The following RB1 variants were observed in gnomAD, a reference collection of about 807,000 sequenced individuals.
RB1 encodes the protein retinoblastoma-associated protein.
In RB1, 18 loss-of-function variants were observed where a neutral mutation model predicts 135.4. That is an observed-to-expected ratio of 0.13 (90% CI 0.09 to 0.20). RB1 has a LOEUF of 0.20. RB1 is among the 10% of genes least tolerant of loss of function. The pLI, the probability that RB1 is intolerant of heterozygous loss-of-function variation, is 1.00. For missense variants in RB1, 868 were observed against 1,110.0 expected, an observed-to-expected ratio of 0.78 and a Z score of 3.10; for synonymous variants, 365 against 373.2, an observed-to-expected ratio of 0.98 and a Z score of 0.25.
chr13:48,374,216 G>C (rs1249954987), intron 12 of RB1, among the ~76,000 whole-genome samples: 7 of 152,014 alleles, frequency 4.6e-5, no homozygotes. Flanking sequence ...TTTAATATCT[G>C]AAGGCATCTG....
intron 2 of RB1, 131 bp from the exon 3 acceptor site, chr13:48,342,468 C>A: frequency 1.6e-6 from 1 of 613,198 alleles, no homozygotes; most frequent in Admixed American, 2.7e-5. Flanking sequence ...GGATGTGTTA[C>A]AAATATACAG....
At position 48,360,180 on chromosome 13, in the gene RB1, G is replaced by T. The variant is rs1939220457; in HGVS notation, c.718+53G>T. 4 of 1,605,856 alleles carry T rather than the reference G, an allele frequency of 2.5e-6. No individual in the cohort carries two copies. The Admixed American group carries it at 5.0e-5, about 20-fold the overall frequency. Reference sequence around the variant, plus strand: ...CTTTCTCATTCAGCAGTTGCTTATTGAATGTCTAGTGGGTACCAAACATGG... The same window carrying T: ...CTTTCTCATTCAGCAGTTGCTTATTTAATGTCTAGTGGGTACCAAACATGG... On this transcript the variant is annotated intron_variant, in intron 7 of 26. Transcript: ENST00000267163.
intron 17 of RB1, among the ~76,000 whole-genome samples, chr13:48,388,858 A>G (rs1312848940): frequency 6.6e-6 from 1 of 152,102 alleles, no homozygotes; most frequent in African/African-American, 2.4e-5. Context: ...AATCAGGAGA[A>G]GTGGTATCAT....
At chr13:48,411,428 G>A in intron 17 of RB1, 1 of 1,612,846 alleles carries the variant, frequency 6.2e-7, no homozygotes, top group South Asian at 1.1e-5. Flanking sequence ...TACTTTTTAA[G>A]GTCTGTAGGT....
At chr13:48,328,074 A>G (rs1952303168) in intron 2 of RB1, 4 of 832,632 alleles carry the variant, frequency 4.8e-6, no homozygotes, top group Non-Finnish European at 8.3e-6. Flanking sequence ...ATTTCAAAAC[A>G]TCATTTAATT....
At chr13:48,362,632 A>G (rs2138111580) in intron 7 of RB1, among the ~76,000 whole-genome samples, 183 bp from the exon 8 acceptor site, 1 of 152,318 alleles carries the variant, frequency 6.6e-6, no homozygotes, top group African/African-American at 2.4e-5. Flanking sequence ...GATGGCAAAA[A>G]CTAATATTAG....
chr13:48,413,414 T>C (rs1191150731), intron 17 of RB1, among the ~76,000 whole-genome samples: 1 of 152,216 alleles, frequency 6.6e-6, no homozygotes, highest in East Asian at 1.9e-4. Context: ...CCTGTTCTCT[T>C]ATTCGATTGT....
chr13:48,406,004 A>AT (rs1247440137), intron 17 of RB1, among the ~76,000 whole-genome samples: 1 of 152,048 alleles, frequency 6.6e-6, no homozygotes, highest in Non-Finnish European at 1.5e-5. Context: ...TATTTTGTAT[A>AT]TATACTACAG....
At chr13:48,475,048 A>T (rs576355094) in intron 24 of RB1, among the ~76,000 whole-genome samples, 1 of 151,960 alleles carries the variant, frequency 6.6e-6, no homozygotes, top group African/African-American at 2.4e-5. Flanking sequence ...TAATTTTTAA[A>T]TTTTTTGTAG....
At chr13:48,461,474 T>C (rs1017547957) in intron 20 of RB1, among the ~76,000 whole-genome samples, 5 of 152,190 alleles carry the variant, frequency 3.3e-5, no homozygotes, top group African/African-American at 1.2e-4. Context: ...ACCGTGAACA[T>C]TCATGAACAT....
At chr13:48,327,404 T>C (rs889440236) in intron 2 of RB1, among the ~76,000 whole-genome samples, 20 of 152,156 alleles carry the variant, frequency 1.3e-4, no homozygotes, top group African/African-American at 4.6e-4. Context: ...CAAATGGTTT[T>C]TCTTTGAAGA....
chr13:48,463,962 C>A, intron 21 of RB1, 127 bp downstream of exon 21: 1 of 595,750 alleles, frequency 1.7e-6, no homozygotes, highest in South Asian at 2.4e-5. Flanking sequence ...TATGTAAATT[C>A]ACAAATAAAA....
intron 24 of RB1, 129 bp downstream of exon 24, chr13:48,473,519 T>C (rs1006582032): frequency 1.4e-6 from 1 of 733,668 alleles, no homozygotes; most frequent in African/African-American, 1.8e-5. Context: ...GCATAGAATT[T>C]TATGAGATAT....
chr13:48,379,024 C>G (rs1421454276), intron 13 of RB1, among the ~76,000 whole-genome samples: 1 of 152,090 alleles, frequency 6.6e-6, no homozygotes, highest in Non-Finnish European at 1.5e-5. Flanking sequence ...CTCATAAGGT[C>G]AGTTTGATCT....
rs966492752 is a variant in RB1, at chr13:48,340,590, A to AG, written c.265-2009_265-2008insG. Among the ~76,000 whole-genome samples, 4 of 36,434 alleles carry AG rather than the reference A, an allele frequency of 1.1e-4. No homozygotes were observed. In the East Asian group the frequency reaches 4.3e-3, roughly 39 times the overall value. The allele number at this position is 36,434 out of a possible 152,430, so 23.9% of individuals were successfully genotyped here. On this transcript the variant is annotated intron_variant, in intron 2 of 26. Transcript: ENST00000267163. ...TTTAATCTTTAAAAGAGAGAGAGAG[A>AG]AAAAAAAAGGCTGGAATTGATGAAA...
intron 12 of RB1, 139 bp from the exon 13 acceptor site, chr13:48,376,779 A>G (rs1952828919): frequency 8.1e-7 from 1 of 1,237,880 alleles, no homozygotes; most frequent in Non-Finnish European, 1.1e-6. Context: ...TATGTTCAGT[A>G]GTTGTGGTTA....
At chr13:48,446,289 G>C (rs990500498) in intron 17 of RB1, among the ~76,000 whole-genome samples, 1 of 151,960 alleles carries the variant, frequency 6.6e-6, no homozygotes, top group African/African-American at 2.4e-5. Context: ...CTTTGAGGTG[G>C]AGTTAATCTC....
intron 8 of RB1, 101 bp from the exon 9 acceptor site, chr13:48,364,793 G>A (rs928074609): frequency 1.1e-5 from 15 of 1,326,664 alleles, no homozygotes; most frequent in Non-Finnish European, 1.5e-5. Flanking sequence ...TTTACTGCAT[G>A]GGGGATTGAC....
At chr13:48,359,531 T>C (rs1952619956) in intron 6 of RB1, among the ~76,000 whole-genome samples, 1 of 147,742 alleles carries the variant, frequency 6.8e-6, no homozygotes. Context: ...TTTTATATAA[T>C]AAATATACTT....
Sources: gnomAD v4.1 joint callset for allele counts (sites outside exome capture counted in the v4.1 genomes callset) on GRCh38, gnomAD v4.1.1 for gene constraint, MANE v1.5 for transcripts, NCBI Gene and HGNC (gene_info 2026-07-23, HGNC 2026-07-21) for gene names.